The following TP73 variants were observed in gnomAD, a reference collection of about 807,000 sequenced individuals.
The protein encoded by TP73 is p53-like transcription factor.
In TP73, 25 loss-of-function variants were observed where a neutral mutation model predicts 62.5. The ratio of observed to expected loss-of-function variants is 0.40; its 90% CI spans 0.29 to 0.56. The LOEUF (loss-of-function observed/expected upper bound fraction) is 0.56, where lower values mean the gene tolerates loss of function less well. Ranked by LOEUF, TP73 falls within the 20% of genes least tolerant of loss-of-function variation. The pLI is 0.46. For missense variants in TP73, 754 were observed against 913.3 expected, an observed-to-expected ratio of 0.83 and a Z score of 2.25; for synonymous variants, 423 against 377.5, an observed-to-expected ratio of 1.12 and a Z score of -1.40.
chr1:3,722,574 C>G (rs1570605411), intron 5 of TP73, among the ~76,000 whole-genome samples: 1 of 152,242 alleles, frequency 6.6e-6, no homozygotes, highest in East Asian at 1.9e-4. Flanking sequence ...ACCCCCAGAG[C>G]ACAAGGGCTG....
rs369589289 is a variant in TP73 at position 3,728,185 on chromosome 1, C to T, written c.1042C>T (p.Arg348Trp). The change falls in exon 9 of 14, where the codon CGG (arginine) becomes TGG (tryptophan). Residue 348 changes from arginine to tryptophan, a missense_variant. Physicochemically the swap from Arg to Trp is moderately radical, Grantham distance 101 (BLOSUM62 -3). Coordinates refer to ENST00000378295, the MANE Select transcript of TP73 (RefSeq NM_005427.4). ...CCTTGGTGCCGGTGTGAAGAAGCGG[C>T]GGCATGGAGACGAGGACACGTACTA... Reference protein sequence around the residue: ...PALGAGVKKRRHGDEDTYYLQ... With the variant: ...PALGAGVKKRWHGDEDTYYLQ... 2.4e-5 allele frequency: 38 copies of T among 1,611,822 alleles called. No individual in the cohort carries two copies. The highest frequency in any genetic ancestry group is 3.0e-5 in the Non-Finnish European group (35 of 1,179,958).
Position 3,682,446 on chromosome 1 carries a change from T to C in TP73, c.65+16T>C. ...GGAGCTCTCTGTGAGTGCGCTTGGC[T>C]GGCCAGAGCTGGGGGCCCCCCTGGG... On this transcript the variant is annotated intron_variant, in intron 2 of 13. Transcript: ENST00000378295. 6.7e-7 allele frequency: 1 copy of C among 1,488,184 alleles called. No individual in the cohort carries two copies. The highest frequency in any genetic ancestry group is 9.1e-7 in the Non-Finnish European group (1 of 1,104,334). 92.2% of individuals were successfully genotyped at this position (1,488,184 alleles called of 1,614,324 possible). A position where few individuals can be genotyped will look rare whatever the true frequency, so the allele number is the denominator to read the frequency against.
At chr1:3,677,625 G>A (rs1244690051) in intron 1 of TP73, among the ~76,000 whole-genome samples, 1 of 151,586 alleles carries the variant, frequency 6.6e-6, no homozygotes, top group African/African-American at 2.4e-5. Context: ...TGCAAGACCT[G>A]TGGTAATACA....
intron 1 of TP73, among the ~76,000 whole-genome samples, chr1:3,681,211 C>T (rs568298918): frequency 1.3e-5 from 2 of 152,124 alleles, no homozygotes; most frequent in East Asian, 1.9e-4. Context: ...ATGGCCTGCA[C>T]CCCCGCTGGC....
chr1:3,716,832 G>C (rs888178065), intron 4 of TP73, among the ~76,000 whole-genome samples: 21 of 152,122 alleles, frequency 1.4e-4, no homozygotes, highest in African/African-American at 3.9e-4. Flanking sequence ...TAATGGAAAG[G>C]GTTCTGTGGC....
chr1:3,704,461 A>G (rs1393507532), intron 3 of TP73, among the ~76,000 whole-genome samples: 3 of 152,154 alleles, frequency 2.0e-5, no homozygotes, highest in African/African-American at 2.4e-5. Flanking sequence ...CGAGTAGGGG[A>G]GACAGAAGCC....
intron 3 of TP73, among the ~76,000 whole-genome samples, chr1:3,694,940 A>G (rs72470157): frequency 4.6e-4 from 68 of 146,906 alleles, no homozygotes; most frequent in African/African-American, 1.6e-3. Flanking sequence ...CTGCAGCCTC[A>G]GCCCCTCCTC....
At chr1:3,731,399 G>A (rs539466760) in intron 12 of TP73, 64 bp from the exon 13 acceptor site, 43 of 1,515,950 alleles carry the variant, frequency 2.8e-5, no homozygotes, top group Admixed American at 2.6e-4. Flanking sequence ...TCTCAGAGAT[G>A]GGGGCTCGCG....
chr1:3,654,341 A>G lies in TP73; in HGVS notation c.-34+1700A>G, dbSNP rs143018493. 5.5e-3 allele frequency among the ~76,000 whole-genome samples: 841 copies of G among 152,178 alleles called. 6 individuals carry two copies. Among genetic ancestry groups the G allele is most frequent in the African/African-American group, 0.02 (816 of 41,510 alleles). On this transcript the variant is annotated intron_variant, in intron 1 of 13. Transcript: ENST00000378295. The stretch of plus-strand genomic sequence containing the variant: ...GCTCGGGATGTGAGCCCTGCCTTGC[A>G]GTCCTTCTCGTGAAAGCTACAGCGA...
intron 4 of TP73, among the ~76,000 whole-genome samples, chr1:3,712,923 C>T (rs550554636): frequency 7.3e-4 from 104 of 142,088 alleles, no homozygotes; most frequent in Middle Eastern, 3.7e-3. Context: ...CAGGTCCCCA[C>T]GAGCAGCCCC....
In TP73 at chr1:3,732,932, C is replaced by T. The variant is rs778860468; in HGVS notation, c.1764C>T (p.Phe588=). 3 of 1,610,114 alleles carry T rather than the reference C, an allele frequency of 1.9e-6. No individual in the cohort carries two copies. Among genetic ancestry groups the T allele is most frequent in the South Asian group, 2.2e-5 (2 of 90,854 alleles). ...QRQRVMEAVH[F]RVRHTITIPN... ...AGCGGGTCATGGAGGCCGTGCACTT[C>T]CGCGTGCGCCACACCATCACCATCC... The change falls in exon 14 of 14, where the codon TTC becomes TTT. Residue 588 remains phenylalanine (F), a synonymous_variant. Coordinates refer to ENST00000378295, the MANE Select transcript of TP73 (RefSeq NM_005427.4).
In TP73 at chr1:3,728,148, T is replaced by A; in HGVS notation, c.1005T>A (p.Pro335=). Residue 335 remains proline (P), a synonymous_variant, in exon 9 of 14, where the codon CCT becomes CCA. Coordinates refer to ENST00000378295, the MANE Select transcript of TP73 (RefSeq NM_005427.4). ...TTCCAGCCTTCAAGCAGAGCCCCCC[T>A]GCCGTCCCCGCCCTTGGTGCCGGTG... ...ASKRAFKQSP[P]AVPALGAGVK... 6.2e-7 allele frequency: 1 copy of A among 1,611,396 alleles called. No individual in the cohort carries two copies.
rs9659688 is a variant in TP73 at position 3,733,241 on chromosome 1, A to G, written c.*162A>G. 52,837 of 882,154 alleles carry G rather than the reference A, an allele frequency of 0.06. 3,270 individuals carry two copies. The highest frequency in any genetic ancestry group is 0.25 in the African/African-American group (14,558 of 58,976). 54.6% of individuals were successfully genotyped at this position (882,154 alleles called of 1,614,324 possible). ...CCCAGGCACCTCACAGGCCCCAGGA[A>G]AGGCCCAGCCACCGAAGCCGCCTGT... On this transcript the variant is annotated 3_prime_UTR_variant, in exon 14 of 14. Coordinates refer to ENST00000378295, the MANE Select transcript of TP73 (RefSeq NM_005427.4).
intron 1 of TP73, among the ~76,000 whole-genome samples, chr1:3,659,757 CT>C (rs1307500517): frequency 2.0e-5 from 3 of 152,164 alleles, no homozygotes; most frequent in African/African-American, 7.2e-5. Flanking sequence ...TCTCGACTCA[CT>C]GCAAACTCTG....
At chr1:3,727,037 T>C in intron 6 of TP73, 78 bp from the exon 7 acceptor site, 1 of 1,267,738 alleles carries the variant, frequency 7.9e-7, no homozygotes, top group African/African-American at 1.5e-5. Flanking sequence ...GGACCAGACA[T>C]GGAGCTGGGG....
At chr1:3,678,928 C>T (rs1348673286) in intron 1 of TP73, among the ~76,000 whole-genome samples, 2 of 152,234 alleles carry the variant, frequency 1.3e-5, no homozygotes, top group Non-Finnish European at 2.9e-5. Context: ...GGACCCAACT[C>T]CTGGCGTGGA....
In TP73 at chr1:3,732,838, C is replaced by T. The variant is rs763291326; in HGVS notation, c.1670C>T (p.Ala557Val). The change falls in exon 14 of 14, where the codon GCG (alanine) becomes GTG (valine). Residue 557 changes from alanine to valine, a missense_variant. Around this residue, in one of 3 missense-constraint regions of TP73, gnomAD observed 458 missense variants for 528.7 expected, o/e 0.87. Coordinates refer to ENST00000378295, the MANE Select transcript of TP73 (RefSeq NM_005427.4). ...AAGCAGGGCCACGACTACAGCACCGCGCAGCAGCTGCTCCGCTCTAGCAAC... is the reference window on the plus strand; with the variant it reads ...AAGCAGGGCCACGACTACAGCACCGTGCAGCAGCTGCTCCGCTCTAGCAAC... Reference protein sequence around the residue: ...DLKQGHDYSTAQQLLRSSNAA... With the variant: ...DLKQGHDYSTVQQLLRSSNAA... 29 of 1,611,852 alleles carry T rather than the reference C, an allele frequency of 1.8e-5. No individual in the cohort carries two copies. Among genetic ancestry groups the T allele is most frequent in the Non-Finnish European group, 1.7e-5 (20 of 1,179,594 alleles).
chr1:3,668,853 C>T (rs1181781268), intron 1 of TP73: 1 of 152,458 alleles, frequency 6.6e-6, no homozygotes, highest in Non-Finnish European at 1.5e-5. Flanking sequence ...CCTGGCTGCC[C>T]TGAGCTCGGC....
chr1:3,730,997 C>G lies in TP73; in HGVS notation c.1416C>G (p.Ala472=). 1 of 1,612,498 alleles carries G rather than the reference C, an allele frequency of 6.2e-7. No individual in the cohort carries two copies. Among genetic ancestry groups the G allele is most frequent in the Non-Finnish European group, 8.5e-7 (1 of 1,179,828 alleles). ...ANGEMSSSHS[A]QSMVSGSHCT... ...GCGAGATGAGCAGCAGCCACAGCGC[C>G]CAGTCCATGGTCTCGGGGTCCCACT... The change falls in exon 12 of 14, where the codon GCC becomes GCG. Residue 472 remains alanine, a synonymous_variant. Transcript: ENST00000378295.
Sources: allele counts gnomAD v4.1 joint callset (sites outside exome capture counted in the v4.1 genomes callset), GRCh38; gene constraint gnomAD v4.1.1; regional missense constraint gnomAD v4.1.1; transcripts MANE v1.5; gene names NCBI Gene and HGNC (gene_info 2026-07-23, HGNC 2026-07-21).